GGTA1: variants seen among roughly 807,000 people sequenced by gnomAD.
GGTA1 encodes glycoprotein alpha-galactosyltransferase 1 (inactive), also known as inactive N-acetyllactosaminide alpha-1,3-galactosyltransferase.
GGTA1 carries 5 observed loss-of-function variants against 2.6 expected under a neutral mutation model. The ratio of observed to expected loss-of-function variants is 1.92; its 90% CI spans 1.00 to 4.04. The LOEUF is 4.04. Ranked by LOEUF, GGTA1 falls within the 30% of genes most tolerant of loss-of-function variation. GGTA1 has a pLI of 0.00. For missense variants in GGTA1, 50 were observed against 16.7 expected, an observed-to-expected ratio of 2.99 and a Z score of -3.47; for synonymous variants, 17 against 5.0, an observed-to-expected ratio of 3.38 and a Z score of -3.19.
At position 121,467,340 on chromosome 9, in the gene GGTA1, ACT is replaced by A. The variant is rs897375540; in HGVS notation, c.80+501_80+502del. Among the ~76,000 whole-genome samples, 368 of 151,434 alleles carry A rather than the reference ACT, an allele frequency of 2.4e-3. 2 individuals are homozygous for A. The highest frequency in any genetic ancestry group is 8.6e-3 in the African/African-American group (354 of 41,268). ...TAAACACACACACACACCCACACAC[ACT>A]CTCTCTCTCTCTCAAAGATTTTAGC... On this transcript the variant is annotated intron_variant, in intron 2 of 5. Coordinates refer to ENST00000481799, the MANE Select transcript of GGTA1 (RefSeq NM_001382585.1).
intron 3 of GGTA1, 168 bp downstream of exon 3, chr9:121,463,125 C>G (rs187368027): frequency 1.0e-4 from 41 of 404,320 alleles, no homozygotes; most frequent in African/African-American, 8.7e-4. Flanking sequence ...ACAGATAAGT[C>G]TACGGAAGCT....
intron 5 of GGTA1, among the ~76,000 whole-genome samples, chr9:121,456,273 G>A (rs549069186): frequency 1.2e-4 from 19 of 152,296 alleles, no homozygotes; most frequent in Admixed American, 6.5e-4. Context: ...TGATGCCAGT[G>A]TGAGAAGTTC....
At chr9:121,477,120 G>A (rs1367346108) in intron 1 of GGTA1, among the ~76,000 whole-genome samples, 1 of 152,264 alleles carries the variant, frequency 6.6e-6, no homozygotes, top group Non-Finnish European at 1.5e-5. Flanking sequence ...GCCTCACTGT[G>A]CCTAGCAAGG....
chr9:121,490,423 G>A (rs1262021026), intron 1 of GGTA1, among the ~76,000 whole-genome samples: 1 of 152,174 alleles, frequency 6.6e-6, no homozygotes, highest in African/African-American at 2.4e-5. Flanking sequence ...CTGTGGCCCT[G>A]TGACCCTCCT....
chr9:121,474,632 C>T (rs569163434), intron 1 of GGTA1, among the ~76,000 whole-genome samples: 8 of 152,216 alleles, frequency 5.3e-5, no homozygotes, highest in South Asian at 2.1e-4. Flanking sequence ...CCCAACAGGG[C>T]GAAGTCAAGG....
chr9:121,498,879 C>T (rs950374047), intron 1 of GGTA1, among the ~76,000 whole-genome samples: 6 of 149,564 alleles, frequency 4.0e-5, no homozygotes, highest in Non-Finnish European at 8.9e-5. Context: ...ACATTTTTTT[C>T]TTCTTCTTTT....
intron 7 of GGTA1, among the ~76,000 whole-genome samples, chr9:121,448,317 A>G (rs975971292): frequency 1.3e-5 from 2 of 152,166 alleles, no homozygotes; most frequent in African/African-American, 2.4e-5. Context: ...CCTTGGATCC[A>G]CTGGGGATGC....
rs185227447 is a variant in GGTA1 at position 121,486,154 on chromosome 9, A to G, written c.-10+13496T>C. ...AAACTCCACTTGAGTCCAGGCTCAC[A>G]AACAGGAAATGTGACAGAGGCTGAT... is the stretch of plus-strand genomic sequence containing the variant. On this transcript the variant is annotated intron_variant, in intron 1 of 5. Transcript: ENST00000481799. Among the ~76,000 whole-genome samples the G allele has an allele frequency of 8.5e-5, 13 of 152,338 alleles. No homozygotes were observed. In the East Asian group the frequency reaches 2.5e-3, roughly 29 times the overall value.
intron 1 of GGTA1, among the ~76,000 whole-genome samples, chr9:121,469,645 T>C (rs1828338410): frequency 6.6e-6 from 1 of 152,214 alleles, no homozygotes; most frequent in African/African-American, 2.4e-5. Flanking sequence ...TTTTCTTGGC[T>C]ATATGTTATG....
At chr9:121,479,107 C>T (rs1233991733) in intron 1 of GGTA1, 1 of 456,518 alleles carries the variant, frequency 2.2e-6, no homozygotes, top group Admixed American at 2.3e-5. Context: ...AGGTCCACTG[C>T]TGGAGAGACA....
intron 1 of GGTA1, among the ~76,000 whole-genome samples, chr9:121,484,612 CT>C (rs892869606): frequency 6.6e-6 from 1 of 152,306 alleles, no homozygotes; most frequent in Non-Finnish European, 1.5e-5. Flanking sequence ...GAACATATTA[CT>C]TTTGTAACCA....
chr9:121,465,017 AAC>A lies in GGTA1; in HGVS notation c.81-1691_81-1690del, dbSNP rs1491027582. ...AAAACAAAACAAACAAAAAAAAAAA[AAC>A]AAAAAACAACTCCTCCCCTTGAAGT... On this transcript the variant is annotated intron_variant, in intron 2 of 5. Coordinates refer to ENST00000481799, the MANE Select transcript of GGTA1 (RefSeq NM_001382585.1). Among the ~76,000 whole-genome samples, 31 of 149,344 alleles carry A rather than the reference AAC, an allele frequency of 2.1e-4. 2 individuals are homozygous for A. Among genetic ancestry groups the A allele is most frequent in the Non-Finnish European group, 3.0e-4 (20 of 66,388 alleles).
At chr9:121,495,215 T>C (rs974106606) in intron 1 of GGTA1, among the ~76,000 whole-genome samples, 2 of 151,290 alleles carry the variant, frequency 1.3e-5, no homozygotes, top group African/African-American at 2.4e-5. Flanking sequence ...CCACCACACC[T>C]GGCCTCTCCT....
intron 1 of GGTA1, among the ~76,000 whole-genome samples, chr9:121,488,007 C>T (rs1224282729): frequency 1.9e-4 from 29 of 152,126 alleles, no homozygotes; most frequent in Admixed American, 1.6e-3. Context: ...TGAGCCACCG[C>T]GCCAGGCCTA....
chr9:121,449,156 A>G (rs970176170), intron 7 of GGTA1, among the ~76,000 whole-genome samples: 14 of 152,216 alleles, frequency 9.2e-5, no homozygotes, highest in Non-Finnish European at 1.8e-4. Context: ...ATAATAGTCC[A>G]TTGTCTGAAT....
At chr9:121,480,886 G>T (rs1409409591) in intron 1 of GGTA1, among the ~76,000 whole-genome samples, 1 of 152,156 alleles carries the variant, frequency 6.6e-6, no homozygotes, top group Non-Finnish European at 1.5e-5. Context: ...GGGTGCAGTG[G>T]CTCAGGCCTG....
intron 1 of GGTA1, among the ~76,000 whole-genome samples, chr9:121,483,947 G>A (rs1359885049): frequency 2.6e-5 from 4 of 152,148 alleles, no homozygotes; most frequent in East Asian, 3.9e-4. Flanking sequence ...CCTACTTGAC[G>A]ATGCTTGCAA....
At chr9:121,495,700 C>T (rs1475692716) in intron 1 of GGTA1, among the ~76,000 whole-genome samples, 1 of 152,214 alleles carries the variant, frequency 6.6e-6, no homozygotes, top group East Asian at 1.9e-4. Context: ...TAATCCTTAT[C>T]TTCCTGGACT....
intron 1 of GGTA1, among the ~76,000 whole-genome samples, chr9:121,469,499 T>C (rs753621268): frequency 3.3e-5 from 5 of 152,080 alleles, no homozygotes; most frequent in Non-Finnish European, 5.9e-5. Flanking sequence ...AATAACCAGA[T>C]TTAACTTCAT....
Sources: allele counts gnomAD v4.1 joint callset (sites outside exome capture counted in the v4.1 genomes callset), GRCh38; gene constraint gnomAD v4.1.1; transcripts MANE v1.5; gene names NCBI Gene and HGNC (gene_info 2026-07-23, HGNC 2026-07-21).